The following SBF2 variants were observed in gnomAD, a reference collection of about 807,000 sequenced individuals.
The protein encoded by SBF2 is SET binding factor 2.
A neutral mutation model predicts 225.2 loss-of-function variants in SBF2; 112 were observed. The observed-to-expected ratio is 0.50, with a 90% CI of 0.43 to 0.58. The LOEUF (loss-of-function observed/expected upper bound fraction) is 0.58, where lower values mean the gene tolerates loss of function less well. SBF2 is among the 20% of genes least tolerant of loss of function. The pLI is 0.00. For synonymous variants in SBF2, 763 were observed against 773.3 expected, an observed-to-expected ratio of 0.99 and a Z score of 0.22; for missense variants, 1,996 against 2,206.2, an observed-to-expected ratio of 0.90 and a Z score of 1.91.
chr11:9,920,801 C>T (rs927809115), intron 16 of SBF2, among the ~76,000 whole-genome samples: 6 of 152,068 alleles, frequency 3.9e-5, no homozygotes, highest in African/African-American at 9.7e-5. Context: ...TGTCCAGGCA[C>T]GAGGACAGTG....
intron 17 of SBF2, among the ~76,000 whole-genome samples, chr11:9,892,428 CT>C (rs1465858086): frequency 1.3e-5 from 2 of 152,152 alleles, no homozygotes; most frequent in Non-Finnish European, 2.9e-5. Context: ...TCCCTGGCCC[CT>C]GACCCTCATT....
intron 1 of SBF2, among the ~76,000 whole-genome samples, chr11:10,221,939 G>A (rs2135408387): frequency 6.6e-6 from 1 of 152,282 alleles, no homozygotes; most frequent in South Asian, 2.1e-4. Context: ...CACAGTTGCT[G>A]AAAAGTGAGA....
chr11:9,997,773 G>A (rs898203467), intron 9 of SBF2, among the ~76,000 whole-genome samples: 10 of 152,010 alleles, frequency 6.6e-5, no homozygotes, highest in African/African-American at 9.7e-5. Context: ...GCAAGACTCC[G>A]TCTCAAAAAA....
At chr11:9,907,433 C>T (rs1045077664) in intron 16 of SBF2, among the ~76,000 whole-genome samples, 2 of 152,150 alleles carry the variant, frequency 1.3e-5, no homozygotes, top group Non-Finnish European at 2.9e-5. Context: ...ATGCTTTCTC[C>T]TTGGTATTTT....
chr11:9,801,256 G>A (rs546051748), intron 32 of SBF2, among the ~76,000 whole-genome samples: 4 of 152,278 alleles, frequency 2.6e-5, no homozygotes, highest in African/African-American at 9.6e-5. Context: ...AGACTAAACT[G>A]CATGAAGCAT....
At chr11:10,253,118 C>CAAAA (rs546522229) in intron 1 of SBF2, among the ~76,000 whole-genome samples, 1,355 of 77,040 alleles carry the variant, frequency 0.018, 21 homozygotes, top group East Asian at 0.032. Context: ...AGGTAAATAC[C>CAAAA]AAAAAAAAAA....
intron 17 of SBF2, among the ~76,000 whole-genome samples, chr11:9,882,079 G>A (rs7107328): frequency 0.27 from 40,854 of 152,084 alleles, 6,641 homozygotes; most frequent in African/African-American, 0.45. Context: ...GAGTCAAGTT[G>A]TTAAACATGC....
chr11:10,294,596 C>G, upstream of SBF2, among the ~76,000 whole-genome samples: 1 of 152,384 alleles, frequency 6.6e-6, no homozygotes, highest in South Asian at 2.1e-4. Flanking sequence ...CTCCCGCCCT[C>G]GGTTGGAAGC....
chr11:10,207,587 C>T (rs1957791536), intron 1 of SBF2, among the ~76,000 whole-genome samples: 2 of 152,060 alleles, frequency 1.3e-5, no homozygotes, highest in African/African-American at 4.8e-5. Context: ...TGATTTGCAA[C>T]CTTTAGTTGC....
intron 2 of SBF2, among the ~76,000 whole-genome samples, chr11:10,122,227 A>C (rs1953495048): frequency 6.6e-6 from 1 of 152,176 alleles, no homozygotes; most frequent in African/African-American, 2.4e-5. Flanking sequence ...CACACCTCAA[A>C]CTGCCAAAGT....
At chr11:10,020,022 A>C (rs1565140905) in intron 6 of SBF2, among the ~76,000 whole-genome samples, 1 of 152,104 alleles carries the variant, frequency 6.6e-6, no homozygotes, top group Non-Finnish European at 1.5e-5. Context: ...GAGCAGGAGA[A>C]CCTCCTTCCC....
chr11:9,873,248 C>T (rs1384336570), intron 17 of SBF2, among the ~76,000 whole-genome samples: 2 of 146,230 alleles, frequency 1.4e-5, no homozygotes, highest in Non-Finnish European at 3.0e-5. Flanking sequence ...AAAAAATGCT[C>T]TATGTAGTTT....
chr11:10,088,575 T>C (rs1358231593), intron 2 of SBF2, among the ~76,000 whole-genome samples: 3 of 152,140 alleles, frequency 2.0e-5, no homozygotes, highest in South Asian at 2.1e-4. Flanking sequence ...GAAGCCAACA[T>C]GTGCAGAGAC....
intron 2 of SBF2, among the ~76,000 whole-genome samples, chr11:10,152,730 C>T (rs1258705352): frequency 1.3e-5 from 2 of 152,044 alleles, no homozygotes; most frequent in East Asian, 3.9e-4. Flanking sequence ...CAAAGTATAC[C>T]ATAAGAAACA....
chr11:9,993,385 T>C (rs1473044533), intron 10 of SBF2, among the ~76,000 whole-genome samples: 1 of 138,614 alleles, frequency 7.2e-6, no homozygotes, highest in Non-Finnish European at 1.6e-5. Flanking sequence ...TGCTTAAGTA[T>C]ATGTGTTCAG....
intron 1 of SBF2, among the ~76,000 whole-genome samples, chr11:10,272,993 C>T (rs576467433): frequency 1.2e-4 from 18 of 151,914 alleles, no homozygotes; most frequent in Admixed American, 3.3e-4. Context: ...TTACTTGAAC[C>T]TGGGAGACAG....
intron 2 of SBF2, among the ~76,000 whole-genome samples, chr11:10,180,819 C>T (rs1315910873): frequency 6.6e-6 from 1 of 152,092 alleles, no homozygotes; most frequent in East Asian, 1.9e-4. Context: ...TTGATCAATT[C>T]TGCTGCTGTT....
chr11:9,903,623 T>C (rs1337345987), intron 16 of SBF2, among the ~76,000 whole-genome samples: 1 of 152,192 alleles, frequency 6.6e-6, no homozygotes, highest in Non-Finnish European at 1.5e-5. Context: ...AATGAAATAA[T>C]GCTTGGAAGA....
Position 9,889,437 on chromosome 11 carries a change from A to C in SBF2, c.1929+6506T>G, listed in dbSNP as rs1047821732. 7.2e-5 allele frequency among the ~76,000 whole-genome samples: 11 copies of C among 152,350 alleles called. No individual in the cohort carries two copies. The East Asian group carries it at 2.1e-3, about 29-fold the overall frequency. ...TGTGGGTCTTTACGTAGAATGTATA[A>C]GCCAAAGTTAAAATTCAGCAATAAA... On this transcript the variant is annotated intron_variant, in intron 17 of 39. Transcript: ENST00000256190.
Sources: gnomAD v4.1 joint callset for allele counts (sites outside exome capture counted in the v4.1 genomes callset) on GRCh38, gnomAD v4.1.1 for gene constraint, MANE v1.5 for transcripts, NCBI Gene and HGNC (gene_info 2026-07-23, HGNC 2026-07-21) for gene names.